SYT2: variants seen among roughly 807,000 people sequenced by gnomAD.
SYT2 encodes the protein synaptotagmin-2.
SYT2 carries 15 observed loss-of-function variants against 39.9 expected under a neutral mutation model. The observed-to-expected ratio is 0.38, with a 90% confidence interval of 0.25 to 0.58. The LOEUF (loss-of-function observed/expected upper bound fraction) is 0.58, where lower values mean the gene tolerates loss of function less well. SYT2 is among the 20% of genes least tolerant of loss of function. The pLI, the probability that SYT2 is intolerant of heterozygous loss-of-function variation, is 0.70. For synonymous variants in SYT2, 181 were observed against 204.5 expected (o/e 0.89, Z 0.98); for missense variants, 389 against 530.3 (o/e 0.73, Z 2.62).
chr1:202,710,014 G>A (rs1338726393), intron 1 of SYT2, among the ~76,000 whole-genome samples: 1 of 151,826 alleles, frequency 6.6e-6, no homozygotes, highest in African/African-American at 2.4e-5. Flanking sequence ...CCCAGCCCCA[G>A]TCCCTCAGAG....
chr1:202,610,659 A>G (rs1690861085), intron 1 of SYT2, among the ~76,000 whole-genome samples: 1 of 152,244 alleles, frequency 6.6e-6, no homozygotes, highest in Admixed American at 6.5e-5. Context: ...AAAAATCACA[A>G]GCATTCTTAT....
At chr1:202,688,912 T>C (rs1004499313) in intron 1 of SYT2, among the ~76,000 whole-genome samples, 2 of 151,870 alleles carry the variant, frequency 1.3e-5, no homozygotes, top group Non-Finnish European at 1.5e-5. Context: ...GACAGTGTGG[T>C]GGGGGAAAGA....
In SYT2 at chr1:202,640,292, C is replaced by T. The variant is rs1254081599; in HGVS notation, c.-17-34503G>A. ...TTGGCAAAGGCAGAGCCAGCAGGGTCACGGACCAACAAAGCCAGAAGGACT... is the reference window on the plus strand; with the variant it reads ...TTGGCAAAGGCAGAGCCAGCAGGGTTACGGACCAACAAAGCCAGAAGGACT... On this transcript the variant is annotated intron_variant, in intron 1 of 8. Transcript: ENST00000367268. Among the ~76,000 whole-genome samples the T allele has an allele frequency of 1.0e-4, 13 of 124,202 alleles. No individual in the cohort carries two copies. In the South Asian group the frequency reaches 2.5e-3, roughly 23 times the overall value. 81.5% of individuals were successfully genotyped at this position (124,202 alleles called of 152,430 possible). A position where few individuals can be genotyped will look rare whatever the true frequency, so the allele number is the denominator to read the frequency against.
At chr1:202,652,364 C>T (rs1558449327) in intron 1 of SYT2, among the ~76,000 whole-genome samples, 1 of 152,154 alleles carries the variant, frequency 6.6e-6, no homozygotes, top group Non-Finnish European at 1.5e-5. Flanking sequence ...GTGGGTTCAG[C>T]CTCTGTCTTC....
At chr1:202,650,293 C>T (rs1477805343) in intron 1 of SYT2, among the ~76,000 whole-genome samples, 1 of 152,190 alleles carries the variant, frequency 6.6e-6, no homozygotes, top group Non-Finnish European at 1.5e-5. Flanking sequence ...GAGAGGACCC[C>T]AGAAAGGGTC....
At chr1:202,684,012 ATATAT>A (rs1653594790) in intron 1 of SYT2, among the ~76,000 whole-genome samples, 2 of 152,100 alleles carry the variant, frequency 1.3e-5, no homozygotes, top group East Asian at 1.9e-4. Flanking sequence ...TATTTATGTT[ATATAT>A]TATAATACAT....
chr1:202,655,710 C>T (rs141826885), intron 1 of SYT2, among the ~76,000 whole-genome samples: 132 of 152,260 alleles, frequency 8.7e-4, no homozygotes, highest in Admixed American at 5.2e-3. Flanking sequence ...GCTGTCTCTC[C>T]AAAAGAAATG....
intron 1 of SYT2, among the ~76,000 whole-genome samples, chr1:202,626,362 G>T (rs1171966286): frequency 6.9e-6 from 1 of 145,862 alleles, no homozygotes; most frequent in African/African-American, 2.5e-5. Flanking sequence ...CCATCCTTTG[G>T]AAAGTGGCTT....
intron 1 of SYT2, among the ~76,000 whole-genome samples, chr1:202,660,650 T>A (rs1351612710): frequency 6.6e-6 from 1 of 152,204 alleles, no homozygotes; most frequent in African/African-American, 2.4e-5. Context: ...ATTTTTAATT[T>A]AAAAAATATT....
At chr1:202,683,385 T>G (rs1335521934) in intron 1 of SYT2, among the ~76,000 whole-genome samples, 1 of 152,108 alleles carries the variant, frequency 6.6e-6, no homozygotes, top group Non-Finnish European at 1.5e-5. Flanking sequence ...AAACCATAAC[T>G]ACATGCAACA....
chr1:202,675,075 T>C (rs116618703), intron 1 of SYT2, among the ~76,000 whole-genome samples: 1 of 152,118 alleles, frequency 6.6e-6, no homozygotes, highest in Non-Finnish European at 1.5e-5. Context: ...CCCTGAACAG[T>C]GCTGGGTGCA....
chr1:202,698,677 C>T (rs1685838484), intron 1 of SYT2, among the ~76,000 whole-genome samples: 1 of 152,092 alleles, frequency 6.6e-6, no homozygotes, highest in African/African-American at 2.4e-5. Context: ...TACACCGACC[C>T]CCAGACTCAC....
chr1:202,639,047 A>T (rs1691827088), intron 1 of SYT2, among the ~76,000 whole-genome samples: 1 of 152,024 alleles, frequency 6.6e-6, no homozygotes. Context: ...CCCATCTGGG[A>T]TTATTTTTTT....
intron 1 of SYT2, among the ~76,000 whole-genome samples, chr1:202,642,579 G>C (rs920582372): frequency 1.2e-4 from 18 of 152,130 alleles, no homozygotes; most frequent in Admixed American, 1.2e-3. Flanking sequence ...GCCGTGGCGC[G>C]TGTCAAAGTG....
rs1428361770 is a variant in SYT2 at position 202,595,413 on chromosome 1, G to A, written c.*1344C>T. The A allele has an allele frequency of 6.6e-6, 1 of 152,164 alleles. No homozygotes were observed. Among genetic ancestry groups the A allele is most frequent in the East Asian group, 1.9e-4 (1 of 5,192 alleles). 9.4% of individuals were successfully genotyped at this position (152,164 alleles called of 1,614,324 possible). A position where few individuals can be genotyped will look rare whatever the true frequency, so the allele number is the denominator to read the frequency against. ...ATGGTAGGACGGGTCCTTCCCATAG[G>A]TCTCCCTGGGCCACTCCAGCTACCT... On this transcript the variant is annotated 3_prime_UTR_variant, in exon 9 of 9. Transcript: ENST00000367268.
chr1:202,621,796 T>C (rs1254971326), intron 1 of SYT2, among the ~76,000 whole-genome samples: 1 of 152,238 alleles, frequency 6.6e-6, no homozygotes, highest in Non-Finnish European at 1.5e-5. Context: ...CTGGAAGCCC[T>C]GCTGTCTCCT....
intron 1 of SYT2, among the ~76,000 whole-genome samples, chr1:202,703,091 A>C (rs113004178): frequency 0.024 from 3,687 of 152,322 alleles, 116 homozygotes; most frequent in East Asian, 0.17. Flanking sequence ...TTCAGACTGG[A>C]ATCAATGGTG....
In SYT2 at chr1:202,596,680, G is replaced by T; in HGVS notation, c.*77C>A. The T allele has an allele frequency of 4.4e-6, 6 of 1,356,662 alleles. No homozygotes were observed. The highest frequency in any genetic ancestry group is 6.1e-6 in the Non-Finnish European group (6 of 980,812). 84.0% of individuals were successfully genotyped at this position (1,356,662 alleles called of 1,614,324 possible). A position where few individuals can be genotyped will look rare whatever the true frequency, so the allele number is the denominator to read the frequency against. On this transcript the variant is annotated 3_prime_UTR_variant, in exon 9 of 9. Coordinates refer to ENST00000367268, the MANE Select transcript of SYT2 (RefSeq NM_177402.5). Reference sequence around the variant, plus strand: ...ATGAAAGAAAAAAGAAAACCTCTAAGGTTGCATAACTGAGGTATTGATAGC... The same window carrying T: ...ATGAAAGAAAAAAGAAAACCTCTAATGTTGCATAACTGAGGTATTGATAGC...
chr1:202,652,252 C>T (rs1429147917), intron 1 of SYT2, among the ~76,000 whole-genome samples: 2 of 152,094 alleles, frequency 1.3e-5, no homozygotes, highest in East Asian at 3.9e-4. Context: ...AGGATGGCTC[C>T]CTGGGGAGAA....
Sources: allele counts gnomAD v4.1 joint callset (sites outside exome capture counted in the v4.1 genomes callset), GRCh38; gene constraint gnomAD v4.1.1; transcripts MANE v1.5; gene names NCBI Gene and HGNC (gene_info 2026-07-23, HGNC 2026-07-21).